ABR: variants seen among roughly 807,000 people sequenced by gnomAD.
ABR encodes active breakpoint cluster region-related protein.
In ABR, 35 loss-of-function variants were observed where a neutral mutation model predicts 107.2. The ratio of observed to expected loss-of-function variants is 0.33; its 90% CI spans 0.25 to 0.43. The LOEUF (loss-of-function observed/expected upper bound fraction) is 0.43. Among genes scored for constraint, ABR ranks in the 20% least tolerant of loss-of-function variants. The pLI is 1.00. For missense variants in ABR, 815 were observed against 1,115.2 expected, an observed-to-expected ratio of 0.73 and a Z score of 3.83; for synonymous variants, 498 against 462.0, an observed-to-expected ratio of 1.08 and a Z score of -1.00.
At position 1,010,531 on chromosome 17, in the gene ABR, G is replaced by A. The variant is rs940006992; in HGVS notation, c.2236+198C>T. 14 of 666,894 alleles carry A rather than the reference G, an allele frequency of 2.1e-5. No homozygotes were observed. Among genetic ancestry groups the A allele is most frequent in the Admixed American group, 6.1e-5 (2 of 32,988 alleles). 41.3% of individuals were successfully genotyped at this position (666,894 alleles called of 1,614,324 possible). A position where few individuals can be genotyped will look rare whatever the true frequency, so the allele number is the denominator to read the frequency against. On this transcript the variant is annotated intron_variant, in intron 20 of 22. Coordinates refer to ENST00000302538, the MANE Select transcript of ABR (RefSeq NM_021962.5). The surrounding 1 kb of genome is among the most constrained non-coding windows in gnomAD (Gnocchi z 4.1). ...GGGACATCAGGGGCAAGAGGCAGGCGAGAAAGGGCCCAGTGTCTGCACCAG... is the reference window on the plus strand; with the variant it reads ...GGGACATCAGGGGCAAGAGGCAGGCAAGAAAGGGCCCAGTGTCTGCACCAG...
At chr17:1,095,931 C>T (rs966663358) in intron 3 of ABR, among the ~76,000 whole-genome samples, 1 of 152,200 alleles carries the variant, frequency 6.6e-6, no homozygotes, top group South Asian at 2.1e-4. Context: ...AAAGAGCCTG[C>T]GATGCAGCGT....
intron 1 of ABR, among the ~76,000 whole-genome samples, chr17:1,226,227 T>G (rs1021444948): frequency 1.3e-5 from 2 of 152,172 alleles, no homozygotes; most frequent in Admixed American, 1.3e-4. Flanking sequence ...CCCGGGTGCT[T>G]CTGTTGCCAA....
intron 16 of ABR, among the ~76,000 whole-genome samples, chr17:1,014,674 TAA>T (rs879605312): frequency 2.2e-5 from 3 of 135,608 alleles, no homozygotes; most frequent in Non-Finnish European, 1.6e-5. Context: ...CCGTCTCTAC[TAA>T]AAAAAAAAAA....
chr17:1,011,057 T>G lies in ABR; in HGVS notation c.2102-194A>C, dbSNP rs751194839. 13 of 650,890 alleles carry G rather than the reference T, an allele frequency of 2.0e-5. No homozygotes were observed. Among genetic ancestry groups the G allele is most frequent in the South Asian group, 3.8e-5 (2 of 52,720 alleles). 40.3% of individuals were successfully genotyped at this position (650,890 alleles called of 1,614,324 possible). A position where few individuals can be genotyped will look rare whatever the true frequency, so the allele number is the denominator to read the frequency against. The stretch of plus-strand genomic sequence containing the variant: ...TCGGGGTTGGGGGAACAGGGAGAGA[T>G]AGCCTGGGGGCCATCTGCTGTGGCT... On this transcript the variant is annotated intron_variant, in intron 19 of 22. Coordinates refer to ENST00000302538, the MANE Select transcript of ABR (RefSeq NM_021962.5). The surrounding 1 kb of genome is among the most constrained non-coding windows in gnomAD (Gnocchi z 4.8).
exon 1 of ABR, chr17:1,186,806 G>C (rs2042309000): frequency 6.6e-6 from 1 of 152,286 alleles, no homozygotes; most frequent in Admixed American, 6.5e-5. Flanking sequence ...TTACCACCAA[G>C]TCCCCATCAG....
At chr17:1,109,883 C>A (rs1330447530) in intron 2 of ABR, among the ~76,000 whole-genome samples, 2 of 128,802 alleles carry the variant, frequency 1.6e-5, no homozygotes, top group East Asian at 3.0e-4. Context: ...GCAGTCCCCC[C>A]ACTCACGGAC....
At chr17:1,008,951 C>G (rs1017026098) in intron 21 of ABR, among the ~76,000 whole-genome samples, 3 of 152,200 alleles carry the variant, frequency 2.0e-5, no homozygotes, top group Non-Finnish European at 4.4e-5. Context: ...GTTGAGGGCT[C>G]TAAGGACAGG....
intron 9 of ABR, among the ~76,000 whole-genome samples, chr17:1,069,370 A>T (rs1208657929): frequency 2.0e-5 from 3 of 152,220 alleles, no homozygotes; most frequent in African/African-American, 7.2e-5. Context: ...TAGTTTTTAA[A>T]AGGAAAAAAC....
chr17:1,101,118 C>G, intron 2 of ABR: 1 of 210,346 alleles, frequency 4.8e-6, no homozygotes, highest in South Asian at 8.6e-5. Context: ...GCCACCATGC[C>G]CAGCCATTAT....
intron 1 of ABR, among the ~76,000 whole-genome samples, chr17:1,164,053 C>CGGA (rs2041407327): frequency 1.1e-4 from 1 of 9,450 alleles, no homozygotes; most frequent in African/African-American, 6.3e-4. Flanking sequence ...CTAGGTGGGA[C>CGGA]CCTGGCAAAG....
Position 1,067,203 on chromosome 17 carries a change from C to G in ABR, c.1056G>C (p.Leu352=), listed in dbSNP as rs1452900361. ...QQYDCKWYIP[L]ADLVFPSPEE... ...CGGGGGATGGAAACACCAGGTCGGC[C>G]AGGGGGATGTACCACTTACAGTCAT... The change falls in exon 10 of 23, where the codon CTG becomes CTC. Residue 352 remains leucine (L), a synonymous_variant. Transcript: ENST00000302538. The G allele has an allele frequency of 1.2e-6, 2 of 1,611,124 alleles. No individual in the cohort carries two copies. The highest frequency in any genetic ancestry group is 3.3e-5 in the Admixed American group (2 of 59,780).
chr17:1,193,106 G>A (rs931114481), intron 1 of ABR, among the ~76,000 whole-genome samples: 36 of 152,220 alleles, frequency 2.4e-4, no homozygotes, highest in African/African-American at 7.5e-4. Context: ...GAAATGGAGC[G>A]AAGAGCTAGA....
chr17:1,181,658 C>T (rs1238159891), upstream of ABR, among the ~76,000 whole-genome samples: 1 of 152,196 alleles, frequency 6.6e-6, no homozygotes, highest in African/African-American at 2.4e-5. Flanking sequence ...AACGAGCAGG[C>T]TCTCGGAGGA....
At chr17:1,042,402 G>A (rs113660845) in intron 16 of ABR, among the ~76,000 whole-genome samples, 2 of 151,390 alleles carry the variant, frequency 1.3e-5, no homozygotes, top group East Asian at 1.9e-4. Flanking sequence ...ATCCACGGAC[G>A]GATGGATAAA....
At position 1,013,112 on chromosome 17, in the gene ABR, A is replaced by G; in HGVS notation, c.1844T>C (p.Met615Thr). Residue 615 changes from methionine (M) to threonine (T), a missense_variant, in exon 17 of 23, where the codon ATG (methionine) becomes ACG (threonine). Met to Thr is a moderately conservative substitution (Grantham distance 81). Around this residue, in one of 5 missense-constraint regions of ABR, gnomAD observed 92 missense variants for 82.3 expected, o/e 1.12. Coordinates refer to ENST00000302538, the MANE Select transcript of ABR (RefSeq NM_021962.5). The stretch of plus-strand genomic sequence containing the variant: ...TTCCCATCCCCGGCTCACCCCGTTC[A>G]TCTCAATCACGTCCGTGTGCCAGTT... The part of the protein sequence containing the change: ...TKNWHTDVIE[M>T]NGIKVEFSMK... 1 of 1,614,066 alleles carries G rather than the reference A, an allele frequency of 6.2e-7. No homozygotes were observed. The highest frequency in any genetic ancestry group is 2.2e-5 in the East Asian group (1 of 44,882).
At chr17:1,097,666 T>C (rs1371927188) in intron 3 of ABR, among the ~76,000 whole-genome samples, 4 of 151,506 alleles carry the variant, frequency 2.6e-5, no homozygotes, top group Non-Finnish European at 4.4e-5. Context: ...AAGCATACTA[T>C]TTGTATACCC....
chr17:1,151,737 C>T (rs1377705267), intron 1 of ABR, among the ~76,000 whole-genome samples: 1 of 152,204 alleles, frequency 6.6e-6, no homozygotes, highest in Non-Finnish European at 1.5e-5. Context: ...TCTCTGGCTG[C>T]CCGATCCGGC....
intron 1 of ABR, among the ~76,000 whole-genome samples, chr17:1,147,511 C>G (rs1350854424): frequency 1.3e-5 from 2 of 152,116 alleles, no homozygotes; most frequent in African/African-American, 4.8e-5. Flanking sequence ...CAGTCACCCA[C>G]TACCACACTC....
intron 16 of ABR, among the ~76,000 whole-genome samples, chr17:1,034,131 C>T (rs536756735): frequency 5.3e-5 from 8 of 152,078 alleles, no homozygotes; most frequent in South Asian, 2.1e-4. Context: ...CCACCACGCC[C>T]GGCTAATTTT....
Sources: allele counts gnomAD v4.1 joint callset (sites outside exome capture counted in the v4.1 genomes callset), GRCh38; gene constraint gnomAD v4.1.1; regional missense constraint gnomAD v4.1.1; non-coding constraint Gnocchi (gnomAD v3.1); transcripts MANE v1.5; gene names NCBI Gene and HGNC (gene_info 2026-07-23, HGNC 2026-07-21).